PFKM: variants seen among roughly 807,000 people sequenced by gnomAD.
The protein encoded by PFKM is ATP-dependent 6-phosphofructokinase, muscle type.
Under a neutral mutation model 95.5 loss-of-function variants are expected in PFKM, and 58 were observed. The ratio of observed to expected loss-of-function variants is 0.61; its 90% CI spans 0.49 to 0.76. The LOEUF (loss-of-function observed/expected upper bound fraction) is 0.76, where lower values mean the gene tolerates loss of function less well. PFKM is among the 30% of genes least tolerant of loss of function. The pLI, the probability that PFKM is intolerant of heterozygous loss-of-function variation, is 0.00. For synonymous variants in PFKM, 336 were observed against 357.2 expected (o/e 0.94, Z 0.67); for missense variants, 678 against 1,005.4 (o/e 0.67, Z 4.40).
Position 48,130,399 on chromosome 12 carries a change from G to GTAT in PFKM, c.123_125dup (p.Ile42dup). 1 of 1,613,970 alleles carries GTAT rather than the reference G, an allele frequency of 6.2e-7. No individual in the cohort carries two copies. The highest frequency in any genetic ancestry group is 8.5e-7 in the Non-Finnish European group (1 of 1,179,814). On this transcript the variant is annotated inframe_insertion, in exon 3 of 23. Transcript: ENST00000359794. ...GCTGTCAGGGCTGTGGTTCGAGTTGGTATCTTCACCGGTGCCCGTGTCTTC... is the reference window on the plus strand; with the variant it reads ...GCTGTCAGGGCTGTGGTTCGAGTTGGTATTATCTTCACCGGTGCCCGTGTCTTC...
intron 2 of PFKM, 74 bp from the exon 3 acceptor site, chr12:48,130,289 G>A (rs1949333475): frequency 2.2e-6 from 2 of 905,126 alleles, no homozygotes; most frequent in African/African-American, 1.6e-5. Flanking sequence ...TTAGCCAAAT[G>A]TAATATCTCT....
chr12:48,145,761 T>G lies in PFKM; in HGVS notation c.*53T>G. On this transcript the variant is annotated 3_prime_UTR_variant, in exon 23 of 23. Transcript: ENST00000359794. This position sits in a 1 kb window ranked among gnomAD's most constrained non-coding sequence, Gnocchi z 4.3. ...ACCTGATCATGGTCAGCTCACACCCTAATAAGTCCACATCTTCTCAGTGTT... is the reference window on the plus strand; with the variant it reads ...ACCTGATCATGGTCAGCTCACACCCGAATAAGTCCACATCTTCTCAGTGTT... 3 of 1,563,890 alleles carry G rather than the reference T, an allele frequency of 1.9e-6. No homozygotes were observed. The highest frequency in any genetic ancestry group is 2.6e-6 in the Non-Finnish European group (3 of 1,134,482).
chr12:48,106,223 G>C, intron 1 of PFKM: 1 of 655,106 alleles, frequency 1.5e-6, no homozygotes, highest in Non-Finnish European at 2.8e-6. Flanking sequence ...GGCGAGGCCC[G>C]AGAAGCGAAG....
intron 17 of PFKM, 98 bp downstream of exon 17, chr12:48,142,164 A>G (rs1026293095): frequency 8.4e-7 from 1 of 1,193,304 alleles, no homozygotes; most frequent in African/African-American, 1.5e-5. Context: ...ATATCAAGCA[A>G]ATGGGAATGT....
chr12:48,141,471 A>C (rs1592795266), intron 15 of PFKM, 90 bp downstream of exon 15: 2 of 1,151,888 alleles, frequency 1.7e-6, no homozygotes, highest in Non-Finnish European at 1.3e-6. Context: ...TGCTTCAACC[A>C]CCCTGTTGTC....
chr12:48,124,728 C>T (rs991456687), intron 2 of PFKM, among the ~76,000 whole-genome samples: 1 of 152,134 alleles, frequency 6.6e-6, no homozygotes, highest in Non-Finnish European at 1.5e-5. Flanking sequence ...AAATAGCCCA[C>T]CTGCAAATCC....
At chr12:48,105,971 T>A (rs1592540459) in exon 1 of PFKM, 2 of 699,408 alleles carry the variant, frequency 2.9e-6, no homozygotes, top group East Asian at 5.4e-5. Context: ...CGACACAGTC[T>A]CCTGGACCAG....
chr12:48,127,447 G>A (rs1023967318), intron 2 of PFKM, among the ~76,000 whole-genome samples: 1 of 152,204 alleles, frequency 6.6e-6, no homozygotes, highest in Non-Finnish European at 1.5e-5. Context: ...TGCTGAGTCA[G>A]TGGACCACGC....
chr12:48,119,957 T>C (rs969667661), intron 1 of PFKM: 4 of 152,190 alleles, frequency 2.6e-5, no homozygotes, highest in East Asian at 3.9e-4. Context: ...CCTCTTGTTA[T>C]GGCGAATTTT....
At chr12:48,106,143 T>G in intron 1 of PFKM, 1 of 702,320 alleles carries the variant, frequency 1.4e-6, no homozygotes, top group Non-Finnish European at 2.6e-6. Flanking sequence ...GCTAGGTGGC[T>G]GAAGAGGAGG....
rs1345538550 is a variant in PFKM, at chr12:48,105,965, A to G, written c.-182A>G. ...CCCGGGCCGGCTGACCGGGTCCGACACAGTCTCCTGGACCAGGCTCCCTCC... is the reference window on the plus strand; with the variant it reads ...CCCGGGCCGGCTGACCGGGTCCGACGCAGTCTCCTGGACCAGGCTCCCTCC... On this transcript the variant is annotated 5_prime_UTR_variant, in exon 1 of 25. Transcript: ENST00000340802. The G allele has an allele frequency of 3.9e-5, 27 of 698,170 alleles. No homozygotes were observed. In the Admixed American group the frequency reaches 5.4e-4, roughly 14 times the overall value. The allele number at this position is 698,170 out of a possible 1,614,324, so 43.2% of individuals were successfully genotyped here.
At chr12:48,122,900 T>G in intron 2 of PFKM, 41 bp downstream of exon 2, 3 of 1,544,112 alleles carry the variant, frequency 1.9e-6, no homozygotes, top group Non-Finnish European at 2.7e-6. Flanking sequence ...GTGGGACTTT[T>G]GGAATTTACT....
intron 18 of PFKM, 104 bp from the exon 19 acceptor site, chr12:48,143,648 CT>C: frequency 1.2e-6 from 1 of 850,800 alleles, no homozygotes; most frequent in Non-Finnish European, 2.0e-6. Flanking sequence ...AAACAACTCT[CT>C]TCCATGTGTC....
At chr12:48,118,364 T>C (rs998846728), upstream of PFKM, 3 of 634,068 alleles carry the variant, frequency 4.7e-6, no homozygotes, top group Non-Finnish European at 8.5e-6. Context: ...TTTCTCCCAT[T>C]CTGTGGGTTG....
intron 1 of PFKM, among the ~76,000 whole-genome samples, chr12:48,122,214 C>G (rs1402339698): frequency 1.3e-5 from 2 of 152,266 alleles, no homozygotes; most frequent in East Asian, 3.9e-4. Flanking sequence ...GCCTTTATAG[C>G]CTCAGACTCC....
intron 4 of PFKM, 70 bp downstream of exon 4, chr12:48,131,463 A>C: frequency 4.7e-5 from 51 of 1,085,460 alleles, no homozygotes; most frequent in Non-Finnish European, 6.7e-5. Context: ...TTTTGGGCTC[A>C]TGGTCTCCTA....
intron 10 of PFKM, 79 bp downstream of exon 10, chr12:48,135,462 C>A: frequency 9.9e-7 from 1 of 1,014,030 alleles, no homozygotes; most frequent in Non-Finnish European, 1.5e-6. Flanking sequence ...CTGCACTTCA[C>A]CAGACAGGGA....
chr12:48,109,621 T>C (rs1214052800), intron 3 of PFKM, among the ~76,000 whole-genome samples: 1 of 152,226 alleles, frequency 6.6e-6, no homozygotes, highest in African/African-American at 2.4e-5. Context: ...TTGGACCTGC[T>C]TCTGTGGTTT....
At chr12:48,131,898 T>C (rs946244707) in intron 4 of PFKM, 3 of 398,286 alleles carry the variant, frequency 7.5e-6, no homozygotes, top group African/African-American at 6.3e-5. Context: ...ACTTGCTCCA[T>C]GTTGTTTTAG....
Sources: gnomAD v4.1 joint callset for allele counts (sites outside exome capture counted in the v4.1 genomes callset) on GRCh38, gnomAD v4.1.1 for gene constraint, Gnocchi (gnomAD v3.1) non-coding constraint, MANE v1.5 for transcripts, NCBI Gene and HGNC (gene_info 2026-07-23, HGNC 2026-07-21) for gene names.